Variants in TBC1D22A observed in about 807,000 individuals in gnomAD.
TBC1D22A encodes the protein TBC1 domain family member 22A.
A neutral mutation model predicts 60.2 loss-of-function variants in TBC1D22A; 38 were observed. That is an observed-to-expected ratio of 0.63 (90% confidence interval 0.49 to 0.83). The LOEUF (loss-of-function observed/expected upper bound fraction) is 0.83, where lower values mean the gene tolerates loss of function less well. TBC1D22A is among the 40% of genes least tolerant of loss of function. TBC1D22A has a pLI of 0.00. For missense variants in TBC1D22A, 628 were observed against 701.0 expected (o/e 0.90, Z 1.18); for synonymous variants, 302 against 281.7 (o/e 1.07, Z -0.72).
chr22:47,136,272 A>C (rs1424403405), intron 12 of TBC1D22A, among the ~76,000 whole-genome samples: 1 of 152,090 alleles, frequency 6.6e-6, no homozygotes, highest in Non-Finnish European at 1.5e-5. Context: ...CCCCCGCCCC[A>C]GGTCCCCACA....
chr22:46,850,855 A>C (rs991616519), intron 4 of TBC1D22A, among the ~76,000 whole-genome samples: 2 of 152,258 alleles, frequency 1.3e-5, no homozygotes, highest in Admixed American at 1.3e-4. Flanking sequence ...GTGGAATATT[A>C]CTTGGTCATA....
At chr22:47,131,632 G>A (rs1369306973) in intron 12 of TBC1D22A, among the ~76,000 whole-genome samples, 1 of 152,212 alleles carries the variant, frequency 6.6e-6, no homozygotes, top group African/African-American at 2.4e-5. Context: ...TGGCCACCTG[G>A]GGAAGCAAGG....
intron 12 of TBC1D22A, among the ~76,000 whole-genome samples, chr22:47,159,813 G>A (rs767612666): frequency 6.7e-6 from 1 of 150,102 alleles, no homozygotes; most frequent in Non-Finnish European, 1.5e-5. Context: ...TACACCCACA[G>A]CACACAACCC....
chr22:47,045,014 C>G (rs937540580), intron 11 of TBC1D22A, among the ~76,000 whole-genome samples: 1 of 152,234 alleles, frequency 6.6e-6, no homozygotes, highest in Non-Finnish European at 1.5e-5. Flanking sequence ...AATGACTCTC[C>G]AAGTGGGCGC....
intron 7 of TBC1D22A, among the ~76,000 whole-genome samples, chr22:46,907,877 G>A (rs917665153): frequency 1.4e-4 from 21 of 152,336 alleles, no homozygotes; most frequent in South Asian, 4.2e-4. Context: ...GACTTGGGTG[G>A]AACATCGTGG....
At chr22:46,995,620 C>T (rs1162085668) in intron 9 of TBC1D22A, among the ~76,000 whole-genome samples, 3 of 152,172 alleles carry the variant, frequency 2.0e-5, no homozygotes, top group East Asian at 3.9e-4. Flanking sequence ...GGCAGTCGCT[C>T]AGCTCCACGT....
chr22:46,776,109 G>A (rs1260956570), intron 1 of TBC1D22A, among the ~76,000 whole-genome samples: 1 of 152,236 alleles, frequency 6.6e-6, no homozygotes, highest in East Asian at 1.9e-4. Flanking sequence ...CCCTGTGGCA[G>A]TATAGGCAAG....
At chr22:47,165,981 G>A (rs2068194690) in intron 12 of TBC1D22A, among the ~76,000 whole-genome samples, 1 of 152,204 alleles carries the variant, frequency 6.6e-6, no homozygotes, top group South Asian at 2.1e-4. Flanking sequence ...CTCTGTTAGG[G>A]GAAGAAAATA....
chr22:47,005,261 C>T (rs886995425), intron 10 of TBC1D22A, among the ~76,000 whole-genome samples: 1 of 151,374 alleles, frequency 6.6e-6, no homozygotes, highest in African/African-American at 2.4e-5. Flanking sequence ...ATACACACAC[C>T]CCCTACACAC....
At chr22:47,127,179 T>A (rs1474856) in intron 12 of TBC1D22A, among the ~76,000 whole-genome samples, 4 of 151,182 alleles carry the variant, frequency 2.6e-5, no homozygotes, top group Non-Finnish European at 5.9e-5. Flanking sequence ...CCTTGCCCCA[T>A]GTGGAATTGG....
At chr22:46,821,782 G>T (rs182733587) in intron 4 of TBC1D22A, among the ~76,000 whole-genome samples, 2 of 152,058 alleles carry the variant, frequency 1.3e-5, no homozygotes, top group East Asian at 1.9e-4. Flanking sequence ...ATGTTGGCCC[G>T]TCTTGCTAGG....
chr22:47,097,590 G>A lies in TBC1D22A; in HGVS notation c.1330-13918G>A, dbSNP rs780747334. 9.2e-5 allele frequency among the ~76,000 whole-genome samples: 14 copies of A among 151,780 alleles called. No individual in the cohort carries two copies. The South Asian group carries it at 1.2e-3, about 14-fold the overall frequency. On this transcript the variant is annotated intron_variant, in intron 11 of 12. Transcript: ENST00000337137. The stretch of plus-strand genomic sequence containing the variant: ...TGCACCACTGCACTCCAGCCTGGGC[G>A]AGAGAGCAAGAGTCCATCTCAAAAA...
At chr22:46,815,577 A>T (rs2085559908) in intron 4 of TBC1D22A, among the ~76,000 whole-genome samples, 1 of 152,200 alleles carries the variant, frequency 6.6e-6, no homozygotes, top group Non-Finnish European at 1.5e-5. Context: ...TTTCTAATTT[A>T]TTCACTTGTT....
chr22:47,151,864 G>T (rs112377003), intron 12 of TBC1D22A, among the ~76,000 whole-genome samples: 1 of 152,196 alleles, frequency 6.6e-6, no homozygotes, highest in Non-Finnish European at 1.5e-5. Context: ...CGGTGTGGAC[G>T]TGGCAGTGCA....
At chr22:47,111,147 C>CT (rs1193485410) in intron 11 of TBC1D22A, among the ~76,000 whole-genome samples, 1 of 152,188 alleles carries the variant, frequency 6.6e-6, no homozygotes, top group Admixed American at 6.5e-5. Flanking sequence ...CTCACGCGCC[C>CT]TTTGTGAGGA....
At chr22:46,801,290 A>C (rs1043890247) in intron 4 of TBC1D22A, among the ~76,000 whole-genome samples, 1 of 152,242 alleles carries the variant, frequency 6.6e-6, no homozygotes, top group Non-Finnish European at 1.5e-5. Flanking sequence ...TTTGGAAGAC[A>C]GTGGAATGTA....
At chr22:46,975,287 G>A (rs946322263) in intron 9 of TBC1D22A, among the ~76,000 whole-genome samples, 9 of 152,154 alleles carry the variant, frequency 5.9e-5, no homozygotes, top group Admixed American at 5.9e-4. Flanking sequence ...GGGTGAGTAT[G>A]GCATGAGGGG....
At chr22:46,951,655 T>TA (rs2072909411) in intron 8 of TBC1D22A, among the ~76,000 whole-genome samples, 1 of 152,196 alleles carries the variant, frequency 6.6e-6, no homozygotes. Context: ...GCTGTCCAGT[T>TA]ACAGCGAGGT....
chr22:47,091,520 A>G (rs2064973952), intron 11 of TBC1D22A, among the ~76,000 whole-genome samples: 1 of 122,926 alleles, frequency 8.1e-6, no homozygotes, highest in Non-Finnish European at 1.6e-5. Context: ...GTTGATAGAG[A>G]CAGGCAGGAG....
Sources: gnomAD v4.1 joint callset for allele counts (sites outside exome capture counted in the v4.1 genomes callset) on GRCh38, gnomAD v4.1.1 for gene constraint, MANE v1.5 for transcripts, NCBI Gene and HGNC (gene_info 2026-07-23, HGNC 2026-07-21) for gene names.